Variants in NCAM2 observed in about 807,000 individuals in gnomAD.
NCAM2 encodes the protein neural cell adhesion molecule 2.
NCAM2 carries 30 observed loss-of-function variants against 98.1 expected under a neutral mutation model. The observed-to-expected ratio is 0.31, with a 90% CI of 0.23 to 0.41. The LOEUF is 0.41. Among genes scored for constraint, NCAM2 ranks in the 10% least tolerant of loss-of-function variants. NCAM2 has a pLI of 1.00. For missense variants in NCAM2, 867 were observed against 1,005.8 expected (o/e 0.86, Z 1.87); for synonymous variants, 368 against 342.4 (o/e 1.07, Z -0.83).
intron 11 of NCAM2, among the ~76,000 whole-genome samples, chr21:21,430,113 C>G (rs556251808): frequency 6.6e-6 from 1 of 152,090 alleles, no homozygotes; most frequent in South Asian, 2.1e-4. Flanking sequence ...ACTGCAACTT[C>G]TACCTCCTGG....
chr21:21,056,088 G>A (rs9636688), intron 1 of NCAM2, among the ~76,000 whole-genome samples: 9,082 of 152,040 alleles, frequency 0.06, 279 homozygotes, highest in East Asian at 0.096. Context: ...TATTTGCACT[G>A]TATTAACTAC....
chr21:21,029,237 T>G (rs886760456), intron 1 of NCAM2, among the ~76,000 whole-genome samples: 1 of 152,190 alleles, frequency 6.6e-6, no homozygotes, highest in African/African-American at 2.4e-5. Flanking sequence ...CAAATTTCAA[T>G]TATCTTATTT....
chr21:21,369,253 C>T (rs769283553), intron 8 of NCAM2, among the ~76,000 whole-genome samples: 61 of 151,942 alleles, frequency 4.0e-4, no homozygotes, highest in Non-Finnish European at 6.6e-4. Context: ...TTTCCTCTTA[C>T]TGTAACATTT....
intron 12 of NCAM2, among the ~76,000 whole-genome samples, chr21:21,447,712 A>G (rs1980399104): frequency 6.6e-6 from 1 of 152,066 alleles, no homozygotes; most frequent in Non-Finnish European, 1.5e-5. Context: ...AAAACAAACA[A>G]CCCCATCAAA....
intron 1 of NCAM2, among the ~76,000 whole-genome samples, chr21:21,245,274 C>T (rs989885228): frequency 2.3e-4 from 35 of 152,164 alleles, no homozygotes; most frequent in Admixed American, 2.0e-3. Context: ...CATTTCCATG[C>T]GTCAGATAAT....
intron 15 of NCAM2, among the ~76,000 whole-genome samples, chr21:21,478,099 A>C (rs1356048929): frequency 1.3e-5 from 2 of 152,196 alleles, no homozygotes; most frequent in Non-Finnish European, 2.9e-5. Context: ...ATATTATGAA[A>C]GTTCACAACA....
Position 21,149,432 on chromosome 21 carries a change from A to G in NCAM2, c.56-131146A>G, listed in dbSNP as rs549079007. Among the ~76,000 whole-genome samples the G allele has an allele frequency of 8.5e-5, 13 of 152,152 alleles. No homozygotes were observed. The South Asian group carries it at 2.7e-3, about 32-fold the overall frequency. On this transcript the variant is annotated intron_variant, in intron 1 of 17. Transcript: ENST00000400546. Reference sequence around the variant, plus strand: ...TTTTTATTTTACCTTAAGTTCTGGGATACATGTGCAGAATGTGCAGGTTTG... The same window carrying G: ...TTTTTATTTTACCTTAAGTTCTGGGGTACATGTGCAGAATGTGCAGGTTTG...
chr21:21,293,519 G>A (rs1470753492), intron 5 of NCAM2, among the ~76,000 whole-genome samples: 1 of 151,784 alleles, frequency 6.6e-6, no homozygotes, highest in Non-Finnish European at 1.5e-5. Flanking sequence ...CCTTAGAGGA[G>A]ATCTAGTATT....
At chr21:21,045,698 G>A (rs1167710561) in intron 1 of NCAM2, among the ~76,000 whole-genome samples, 1 of 152,116 alleles carries the variant, frequency 6.6e-6, no homozygotes, top group Non-Finnish European at 1.5e-5. Context: ...ATGAGTCAAT[G>A]TTCTGTCATC....
chr21:21,008,175 ATTAC>A (rs2064145068), intron 1 of NCAM2, among the ~76,000 whole-genome samples: 1 of 151,784 alleles, frequency 6.6e-6, no homozygotes, highest in South Asian at 2.1e-4. Flanking sequence ...GATTAAAAAA[ATTAC>A]TTACTTAGAT....
At chr21:21,517,561 T>C (rs1988780189) in intron 16 of NCAM2, among the ~76,000 whole-genome samples, 1 of 152,124 alleles carries the variant, frequency 6.6e-6, no homozygotes, top group Non-Finnish European at 1.5e-5. Flanking sequence ...AAGTACTGAC[T>C]TAAAACTTTA....
At chr21:21,445,097 A>G (rs990428107) in intron 12 of NCAM2, among the ~76,000 whole-genome samples, 1 of 152,098 alleles carries the variant, frequency 6.6e-6, no homozygotes, top group Non-Finnish European at 1.5e-5. Context: ...TTTACCCAGG[A>G]GTCATTCAGG....
At chr21:21,459,848 T>C (rs1246411938) in intron 12 of NCAM2, among the ~76,000 whole-genome samples, 1 of 151,846 alleles carries the variant, frequency 6.6e-6, no homozygotes, top group Admixed American at 6.6e-5. Flanking sequence ...ATATTAATGA[T>C]ACATATGGAT....
chr21:21,475,396 A>G lies in NCAM2; in HGVS notation c.1897-1895A>G, dbSNP rs186865526. Among the ~76,000 whole-genome samples, 332 of 152,210 alleles carry G rather than the reference A, an allele frequency of 2.2e-3. 5 individuals are homozygous for G. The highest frequency in any genetic ancestry group is 3.9e-4 in the East Asian group (2 of 5,178). Reference sequence around the variant, plus strand: ...GCAAACTACAACATGAGGGTATTGCACATGTCTTGGTCACTATTGTGTTCA... The same window carrying G: ...GCAAACTACAACATGAGGGTATTGCGCATGTCTTGGTCACTATTGTGTTCA... On this transcript the variant is annotated intron_variant, in intron 14 of 17. Coordinates refer to ENST00000400546, the MANE Select transcript of NCAM2 (RefSeq NM_004540.5).
intron 1 of NCAM2, among the ~76,000 whole-genome samples, chr21:21,276,879 T>C (rs1254378475): frequency 1.3e-5 from 2 of 152,090 alleles, no homozygotes; most frequent in African/African-American, 2.4e-5. Flanking sequence ...AATATGTGCA[T>C]TGGTAATTTG....
intron 1 of NCAM2, among the ~76,000 whole-genome samples, chr21:21,165,786 T>G (rs1489100346): frequency 6.6e-6 from 1 of 152,260 alleles, no homozygotes; most frequent in African/African-American, 2.4e-5. Flanking sequence ...GTATTTTCCC[T>G]GCCTTCCCAA....
intron 15 of NCAM2, among the ~76,000 whole-genome samples, chr21:21,490,778 C>T (rs756006193): frequency 6.6e-6 from 1 of 151,464 alleles, no homozygotes; most frequent in Non-Finnish European, 1.5e-5. Context: ...TAATTGCATT[C>T]GTTTTCATCA....
intron 9 of NCAM2, among the ~76,000 whole-genome samples, chr21:21,401,165 A>G (rs2076621644): frequency 6.6e-6 from 1 of 152,186 alleles, no homozygotes; most frequent in Non-Finnish European, 1.5e-5. Context: ...TTTTGTTTTC[A>G]TCCACTATTC....
At chr21:21,382,632 C>T (rs2076181306) in intron 9 of NCAM2, among the ~76,000 whole-genome samples, 1 of 151,972 alleles carries the variant, frequency 6.6e-6, no homozygotes, top group African/African-American at 2.4e-5. Context: ...TCTCCTGCCC[C>T]AACCTTCTGA....
Sources: gnomAD v4.1 joint callset for allele counts (sites outside exome capture counted in the v4.1 genomes callset) on GRCh38, gnomAD v4.1.1 for gene constraint, MANE v1.5 for transcripts, NCBI Gene and HGNC (gene_info 2026-07-23, HGNC 2026-07-21) for gene names.